The following TMEFF2 variants were observed in gnomAD, a reference collection of about 807,000 sequenced individuals.
The protein encoded by TMEFF2 is tomoregulin-2.
Under a neutral mutation model 53.8 loss-of-function variants are expected in TMEFF2, and 28 were observed. The observed-to-expected ratio is 0.52, with a 90% CI of 0.39 to 0.71. The LOEUF is 0.71. TMEFF2 is among the 30% of genes least tolerant of loss of function. The pLI is 0.00. For synonymous variants in TMEFF2, 162 were observed against 166.3 expected (o/e 0.97, Z 0.20); for missense variants, 353 against 455.2 (o/e 0.78, Z 2.04).
chr2:192,021,628 C>T lies in TMEFF2; in HGVS notation c.537-22420G>A, dbSNP rs540100436. 5.9e-5 allele frequency among the ~76,000 whole-genome samples: 9 copies of T among 152,224 alleles called. No individual in the cohort carries two copies. The South Asian group carries it at 1.9e-3, about 32-fold the overall frequency. ...TAGTGTGATAGAATAACATGCAGGA[C>T]TCCATGTGCCATAACTAAGTGACAA... On this transcript the variant is annotated intron_variant, in intron 5 of 9. Transcript: ENST00000272771.
At chr2:192,053,103 C>T (rs73982346) in intron 5 of TMEFF2, among the ~76,000 whole-genome samples, 2,868 of 152,188 alleles carry the variant, frequency 0.019, 88 homozygotes, top group African/African-American at 0.065. Context: ...ACATAAACTA[C>T]GGTCTTAGAT....
At chr2:192,160,622 T>G (rs1690609656) in intron 4 of TMEFF2, among the ~76,000 whole-genome samples, 1 of 152,076 alleles carries the variant, frequency 6.6e-6, no homozygotes. Flanking sequence ...GAGAGACTGA[T>G]CTAAGTCTCT....
intron 4 of TMEFF2, chr2:192,178,803 T>C (rs1691114277): frequency 6.6e-6 from 1 of 151,324 alleles, no homozygotes; most frequent in Non-Finnish European, 1.5e-5. Context: ...ATAGCACATT[T>C]AATTATTTTA....
At chr2:192,108,419 C>CCTT (rs1559129684) in intron 4 of TMEFF2, among the ~76,000 whole-genome samples, 1 of 151,774 alleles carries the variant, frequency 6.6e-6, no homozygotes, top group Non-Finnish European at 1.5e-5. Context: ...TATTCCATAG[C>CCTT]CTTCTTTACA....
chr2:192,169,991 A>C (rs1690867777), intron 4 of TMEFF2, among the ~76,000 whole-genome samples: 1 of 151,806 alleles, frequency 6.6e-6, no homozygotes, highest in Non-Finnish European at 1.5e-5. Flanking sequence ...TAACTGTACT[A>C]CTAATTCCTT....
chr2:191,969,489 C>T (rs991421297), intron 7 of TMEFF2, among the ~76,000 whole-genome samples: 13 of 152,108 alleles, frequency 8.5e-5, no homozygotes, highest in African/African-American at 3.1e-4. Flanking sequence ...GCCATATTTC[C>T]TATGTATTTC....
intron 5 of TMEFF2, among the ~76,000 whole-genome samples, chr2:192,049,768 G>C (rs1687718489): frequency 6.6e-6 from 1 of 152,164 alleles, no homozygotes; most frequent in African/African-American, 2.4e-5. Flanking sequence ...TTGGGAGGCT[G>C]AGGCGGGAGG....
chr2:192,017,550 G>C (rs923354454), intron 5 of TMEFF2, among the ~76,000 whole-genome samples: 1 of 152,114 alleles, frequency 6.6e-6, no homozygotes, highest in African/African-American at 2.4e-5. Context: ...TTTCTCACTT[G>C]TTGTGTTACC....
chr2:192,034,272 A>C (rs549168665), intron 5 of TMEFF2, among the ~76,000 whole-genome samples: 1 of 152,276 alleles, frequency 6.6e-6, no homozygotes, highest in East Asian at 1.9e-4. Flanking sequence ...ACAGTTCACA[A>C]ATCTTAGAAT....
At chr2:192,075,549 C>T (rs2105920634) in intron 4 of TMEFF2, among the ~76,000 whole-genome samples, 1 of 151,148 alleles carries the variant, frequency 6.6e-6, no homozygotes, top group East Asian at 2.0e-4. Flanking sequence ...TCATTACTAG[C>T]AGTTTGAGGA....
intron 7 of TMEFF2, among the ~76,000 whole-genome samples, chr2:191,978,135 A>ATTTG (rs1215195883): frequency 6.6e-6 from 1 of 151,370 alleles, no homozygotes; most frequent in African/African-American, 2.4e-5. Flanking sequence ...CTCATTAGGG[A>ATTTG]TTTGTTTGGG....
intron 5 of TMEFF2, among the ~76,000 whole-genome samples, chr2:192,056,895 A>G (rs1687923646): frequency 6.6e-6 from 1 of 152,202 alleles, no homozygotes; most frequent in Admixed American, 6.5e-5. Context: ...GTGAGCTCTT[A>G]TCAGACACTA....
At chr2:192,170,681 G>A (rs1461853601) in intron 4 of TMEFF2, among the ~76,000 whole-genome samples, 2 of 151,948 alleles carry the variant, frequency 1.3e-5, no homozygotes, top group African/African-American at 2.4e-5. Context: ...ATAGGTTTGT[G>A]GAAGCACCAG....
intron 8 of TMEFF2, among the ~76,000 whole-genome samples, chr2:191,954,947 T>G (rs1340578897): frequency 6.6e-6 from 1 of 152,190 alleles, no homozygotes; most frequent in African/African-American, 2.4e-5. Context: ...TTTGAATTTC[T>G]CATAACTACA....
chr2:192,097,595 T>A (rs889444491), intron 4 of TMEFF2, among the ~76,000 whole-genome samples: 1 of 152,192 alleles, frequency 6.6e-6, no homozygotes, highest in Non-Finnish European at 1.5e-5. Flanking sequence ...ATGGAATAAA[T>A]CTTAATTACA....
intron 2 of TMEFF2, among the ~76,000 whole-genome samples, chr2:192,188,519 GCC>G (rs889488242): frequency 4.1e-4 from 62 of 152,314 alleles, no homozygotes; most frequent in African/African-American, 1.3e-3. Flanking sequence ...TTTCGATTAA[GCC>G]CTACCAAAAT....
chr2:192,058,328 T>C (rs2105904070), intron 4 of TMEFF2, among the ~76,000 whole-genome samples: 1 of 152,306 alleles, frequency 6.6e-6, no homozygotes, highest in Non-Finnish European at 1.5e-5. Flanking sequence ...GAAAATAGTT[T>C]TTAGTTGTTT....
intron 5 of TMEFF2, among the ~76,000 whole-genome samples, chr2:192,053,168 T>C (rs1687814668): frequency 1.3e-5 from 2 of 152,202 alleles, no homozygotes. Flanking sequence ...GTTATGTCAT[T>C]AGTATCATAG....
chr2:192,064,808 A>C (rs898974972), intron 4 of TMEFF2, among the ~76,000 whole-genome samples: 1 of 151,854 alleles, frequency 6.6e-6, no homozygotes, highest in African/African-American at 2.4e-5. Flanking sequence ...CAAAAAAGAC[A>C]CATTCCAAAA....
Sources: allele counts gnomAD v4.1 joint callset (sites outside exome capture counted in the v4.1 genomes callset), GRCh38; gene constraint gnomAD v4.1.1; transcripts MANE v1.5; gene names NCBI Gene and HGNC (gene_info 2026-07-23, HGNC 2026-07-21).